MAP6: variants seen among roughly 807,000 people sequenced by gnomAD.
MAP6 encodes microtubule-associated protein 6.
MAP6 carries 26 observed loss-of-function variants against 42.4 expected under a neutral mutation model. The observed-to-expected ratio is 0.61, with a 90% CI of 0.45 to 0.85. The LOEUF (loss-of-function observed/expected upper bound fraction) is 0.85, where lower values mean the gene tolerates loss of function less well. Among genes scored for constraint, MAP6 ranks in the 40% least tolerant of loss-of-function variants. The probability of loss-of-function intolerance (pLI) is 0.00; values close to 1 mark genes in which losing one functional copy is unlikely to be tolerated. For synonymous variants in MAP6, 418 were observed against 443.8 expected (o/e 0.94, Z 0.73); for missense variants, 966 against 1,099.0 (o/e 0.88, Z 1.71).
chr11:75,618,010 C>CG (rs950060477), intron 1 of MAP6, among the ~76,000 whole-genome samples: 17 of 151,346 alleles, frequency 1.1e-4, no homozygotes, highest in Admixed American at 9.2e-4. Flanking sequence ...GTTGCTCCTT[C>CG]GGGGGTAACC....
intron 1 of MAP6, among the ~76,000 whole-genome samples, chr11:75,632,500 A>G (rs979966772): frequency 1.3e-5 from 2 of 152,170 alleles, no homozygotes; most frequent in African/African-American, 4.8e-5. Context: ...TAATACATCC[A>G]TCTTCCTCTT....
chr11:75,668,590 T>C lies in MAP6; in HGVS notation c.-221A>G, dbSNP rs987763395. On this transcript the variant is annotated 5_prime_UTR_variant, in exon 1 of 4. Coordinates refer to ENST00000304771, the MANE Select transcript of MAP6 (RefSeq NM_033063.2). Reference sequence around the variant, plus strand: ...CCTCGATTACCGGTCGCAAACGCCTTTGGGAGCGCAGTCTGCTGCGAGCGC... The same window carrying C: ...CCTCGATTACCGGTCGCAAACGCCTCTGGGAGCGCAGTCTGCTGCGAGCGC... The C allele has an allele frequency of 6.6e-6, 3 of 455,800 alleles. No homozygotes were observed. Among genetic ancestry groups the C allele is most frequent in the Non-Finnish European group, 1.0e-5 (3 of 291,276 alleles). The allele number at this position is 455,800 out of a possible 1,614,324, so 28.2% of individuals were successfully genotyped here.
chr11:75,646,026 T>C (rs1368571578), intron 1 of MAP6, among the ~76,000 whole-genome samples: 2 of 151,102 alleles, frequency 1.3e-5, no homozygotes, highest in Admixed American at 6.6e-5. Context: ...AAAAGTTACA[T>C]GTCTTCAAAT....
chr11:75,604,243 G>C, intron 3 of MAP6: 1 of 985,854 alleles, frequency 1.0e-6, no homozygotes, highest in Non-Finnish European at 1.2e-6. Context: ...ATTTACAAAA[G>C]ACTTCTCACT....
rs562599156 is a variant in MAP6 at position 75,611,438 on chromosome 11, T to C, written c.906-3116A>G. Reference sequence around the variant, plus strand: ...ACCTGTGAGCACTAACAGTGGGACATGTCCCTGTGGGAAAGTTTGGTAACT... The same window carrying C: ...ACCTGTGAGCACTAACAGTGGGACACGTCCCTGTGGGAAAGTTTGGTAACT... On this transcript the variant is annotated intron_variant, in intron 1 of 3. Transcript: ENST00000304771. Among the ~76,000 whole-genome samples, 6 of 152,352 alleles carry C rather than the reference T, an allele frequency of 3.9e-5. No individual in the cohort carries two copies. In the East Asian group the frequency reaches 1.2e-3, roughly 29 times the overall value.
intron 3 of MAP6, chr11:75,603,684 C>T: frequency 1.0e-6 from 1 of 985,338 alleles, no homozygotes; most frequent in Non-Finnish European, 1.2e-6. Context: ...GGGATCAAGT[C>T]ATGTGCACCC....
intron 1 of MAP6, among the ~76,000 whole-genome samples, chr11:75,657,212 A>C (rs1468629272): frequency 2.0e-5 from 3 of 150,504 alleles, no homozygotes; most frequent in Non-Finnish European, 4.4e-5. Context: ...CCAGGTTCAC[A>C]CCATTCTCCT....
At chr11:75,622,056 A>C (rs1040502057) in intron 1 of MAP6, among the ~76,000 whole-genome samples, 81 of 152,024 alleles carry the variant, frequency 5.3e-4, no homozygotes, top group African/African-American at 1.9e-3. Context: ...ACAACAACAA[A>C]AAAACCCAAT....
chr11:75,610,091 G>A (rs1942864653), intron 1 of MAP6, among the ~76,000 whole-genome samples: 1 of 152,180 alleles, frequency 6.6e-6, no homozygotes, highest in Admixed American at 6.5e-5. Flanking sequence ...GACACCCTGT[G>A]CTGCCTCAGG....
intron 1 of MAP6, among the ~76,000 whole-genome samples, chr11:75,637,383 T>C (rs1312894602): frequency 1.3e-5 from 2 of 152,168 alleles, no homozygotes; most frequent in Non-Finnish European, 2.9e-5. Context: ...GTGAAAACAG[T>C]ATTGACTCAT....
intron 3 of MAP6, chr11:75,603,658 A>G (rs745403304): frequency 1.0e-6 from 1 of 985,096 alleles, no homozygotes; most frequent in Non-Finnish European, 1.2e-6. Flanking sequence ...GGCAACACCA[A>G]CTTGACTTGG....
At chr11:75,646,703 G>C (rs1262272174) in intron 1 of MAP6, among the ~76,000 whole-genome samples, 1 of 151,984 alleles carries the variant, frequency 6.6e-6, no homozygotes, top group Non-Finnish European at 1.5e-5. Flanking sequence ...GGGAGGCTGA[G>C]GCAGGAGAAT....
Position 75,668,192 on chromosome 11 carries a change from G to C in MAP6, c.178C>G (p.Pro60Ala), listed in dbSNP as rs947007990. 3.2e-6 allele frequency: 4 copies of C among 1,248,172 alleles called. No homozygotes were observed. Among genetic ancestry groups the C allele is most frequent in the Non-Finnish European group, 3.0e-6 (3 of 1,003,992 alleles). 77.3% of individuals were successfully genotyped at this position (1,248,172 alleles called of 1,614,324 possible). A position where few individuals can be genotyped will look rare whatever the true frequency, so the allele number is the denominator to read the frequency against. The change falls in exon 1 of 4, where the codon CCC becomes GCC. Residue 60 changes from proline to alanine, a missense_variant. Around this residue, in one of 2 missense-constraint regions of MAP6, gnomAD observed 943 missense variants for 1,049.9 expected, o/e 0.90. Transcript: ENST00000304771. The part of the protein sequence containing the change: ...QQQAQPALAP[P>A]SARAVAIETQ... ...TCTATGGCAACCGCGCGCGCCGAGG[G>C]GGGCGCGAGCGCCGGCTGCGCCTGC...
intron 1 of MAP6, among the ~76,000 whole-genome samples, chr11:75,610,447 C>G (rs1942875638): frequency 6.6e-6 from 1 of 152,172 alleles, no homozygotes; most frequent in South Asian, 2.1e-4. Context: ...CTATGGAACC[C>G]AAGTGAGTAG....
intron 1 of MAP6, among the ~76,000 whole-genome samples, chr11:75,629,891 GAAC>G (rs1347852939): frequency 6.6e-6 from 1 of 152,246 alleles, no homozygotes; most frequent in Non-Finnish European, 1.5e-5. Context: ...GTTGACAGAG[GAAC>G]AAAAGTCTCG....
Position 75,667,645 on chromosome 11 carries a change from G to A in MAP6, c.725C>T (p.Ala242Val). 1 of 1,259,640 alleles carries A rather than the reference G, an allele frequency of 7.9e-7. No homozygotes were observed. The highest frequency in any genetic ancestry group is 9.9e-7 in the Non-Finnish European group (1 of 1,006,626). 78.0% of individuals were successfully genotyped at this position (1,259,640 alleles called of 1,614,324 possible). ...GCGGCGCACAATCCAGGCAGGCCCG[G>A]CCTTCCTGCGCGTGTCGCGCTCGTC... is the stretch of plus-strand genomic sequence containing the variant. The part of the protein sequence containing the change: ...GADERDTRRK[A>V]GPAWIVRRAE... Residue 242 changes from alanine (A) to valine (V), a missense_variant, in exon 1 of 4, where the codon GCC becomes GTC. Transcript: ENST00000304771. The surrounding 1 kb of genome is among the most constrained non-coding windows in gnomAD (Gnocchi z 5.6).
At chr11:75,624,197 TGA>T (rs1943159318) in intron 1 of MAP6, among the ~76,000 whole-genome samples, 1 of 152,196 alleles carries the variant, frequency 6.6e-6, no homozygotes, top group African/African-American at 2.4e-5. Context: ...TGAGAAAATG[TGA>T]GACTTGTTTT....
Position 75,605,173 on chromosome 11 carries a change from C to T in MAP6, c.1316+635G>A, listed in dbSNP as rs556115396. On this transcript the variant is annotated intron_variant, in intron 3 of 3. Coordinates refer to ENST00000304771, the MANE Select transcript of MAP6 (RefSeq NM_033063.2). ...AGTGGCGTATCTATGACTCGGTATA[C>T]AATTTAAAGCCCACTGATAGGAAGC... 6.1e-6 allele frequency: 6 copies of T among 985,440 alleles called. No homozygotes were observed. In the South Asian group the frequency reaches 2.8e-4, roughly 46 times the overall value. The allele number at this position is 985,440 out of a possible 1,614,324, so 61.0% of individuals were successfully genotyped here. A position where few individuals can be genotyped will look rare whatever the true frequency, so the allele number is the denominator to read the frequency against.
chr11:75,637,842 GGGAGGGAAGGAAGGAA>G (rs1305513354), intron 1 of MAP6, among the ~76,000 whole-genome samples: 18 of 144,678 alleles, frequency 1.2e-4, no homozygotes, highest in African/African-American at 4.1e-4. Flanking sequence ...GTAGGAAGGA[GGGAGGGAAGGAAGGAA>G]GGAGGGAGGG....
Sources: allele counts gnomAD v4.1 joint callset (sites outside exome capture counted in the v4.1 genomes callset), GRCh38; gene constraint gnomAD v4.1.1; regional missense constraint gnomAD v4.1.1; non-coding constraint Gnocchi (gnomAD v3.1); transcripts MANE v1.5; gene names NCBI Gene and HGNC (gene_info 2026-07-23, HGNC 2026-07-21).